Variants in FAM149A observed in about 807,000 individuals in gnomAD.
The protein encoded by FAM149A is family with sequence similarity 149 member A, also known as protein FAM149A.
In FAM149A, 71 loss-of-function variants were observed where a neutral mutation model predicts 78.2. That is an observed-to-expected ratio of 0.91 (90% CI 0.75 to 1.11). The LOEUF (loss-of-function observed/expected upper bound fraction) is 1.11, where lower values mean the gene tolerates loss of function less well. Among genes scored for constraint, FAM149A ranks in the 50% least tolerant of loss-of-function variants. The pLI is 0.00. For synonymous variants in FAM149A, 446 were observed against 410.5 expected (o/e 1.09, Z -1.04); for missense variants, 1,036 against 971.0 (o/e 1.07, Z -0.89).
At chr4:186,169,660 A>G (rs997271866) in intron 13 of FAM149A, 174 of 985,256 alleles carry the variant, frequency 1.8e-4, no homozygotes, top group Non-Finnish European at 2.0e-4. Context: ...TCATGGTGAC[A>G]CCTTCGGCAT....
chr4:186,123,778 C>T, intron 1 of FAM149A: 1 of 936,828 alleles, frequency 1.1e-6, no homozygotes, highest in Non-Finnish European at 1.3e-6. Flanking sequence ...AACTAATGTG[C>T]TGGCTTTTCA....
intron 1 of FAM149A, among the ~76,000 whole-genome samples, chr4:186,105,929 A>G (rs534982599): frequency 6.6e-6 from 1 of 152,270 alleles, no homozygotes; most frequent in East Asian, 1.9e-4. Flanking sequence ...AAGCATTGCT[A>G]CTTAGAGTGT....
chr4:186,136,276 A>G (rs2099322654), intron 1 of FAM149A, among the ~76,000 whole-genome samples: 1 of 152,194 alleles, frequency 6.6e-6, no homozygotes, highest in South Asian at 2.1e-4. Context: ...TTTTTGTAAA[A>G]CAGTTTTTAG....
rs1182289380 is a variant in FAM149A at position 186,163,479 on chromosome 4, C to G, written c.1735C>G (p.Pro579Ala). 2 of 1,614,116 alleles carry G rather than the reference C, an allele frequency of 1.2e-6. No homozygotes were observed. The highest frequency in any genetic ancestry group is 1.7e-5 in the Admixed American group (1 of 60,016). ...AGGGGCAGGTGCTCTCTCCTCCGCA[C>G]CGCACAGACTGGGACGGGCCTCAGA... Residue 579 changes from proline to alanine, a missense_variant, in exon 10 of 14, where the codon CCG (proline) becomes GCG (alanine). Pro to Ala is a conservative substitution (Grantham distance 27, BLOSUM62 -1). Transcript: ENST00000389354.
At chr4:186,136,098 A>G (rs768574055) in intron 1 of FAM149A, among the ~76,000 whole-genome samples, 6 of 152,194 alleles carry the variant, frequency 3.9e-5, no homozygotes, top group East Asian at 1.9e-4. Flanking sequence ...AGCAATTACT[A>G]CGAAGTCTTT....
At chr4:186,171,521 A>G (rs1451184065) in intron 13 of FAM149A, among the ~76,000 whole-genome samples, 1 of 152,184 alleles carries the variant, frequency 6.6e-6, no homozygotes, top group African/African-American at 2.4e-5. Context: ...ATAGAAAAAA[A>G]AAGGAGCCAA....
At chr4:186,127,316 T>C (rs947302039) in intron 1 of FAM149A, 1 of 985,182 alleles carries the variant, frequency 1.0e-6, no homozygotes, top group African/African-American at 1.7e-5. Context: ...CTAGGAAGTA[T>C]AAGAAGTAGG....
chr4:186,148,999 GGT>G (rs70964919), intron 1 of FAM149A, among the ~76,000 whole-genome samples, 172 bp from the exon 2 acceptor site: 5,716 of 147,834 alleles, frequency 0.039, 320 homozygotes, highest in African/African-American at 0.12. Flanking sequence ...ATCAGGATGG[GGT>G]GTGTGTGTGT....
chr4:186,156,282 C>T (rs1734028574), intron 7 of FAM149A, 92 bp downstream of exon 7: 7 of 1,022,382 alleles, frequency 6.8e-6, no homozygotes, highest in East Asian at 2.4e-5. Context: ...AGACCTAGAA[C>T]GTGACCAGTG....
intron 1 of FAM149A, chr4:186,132,851 T>C (rs2099321279): frequency 2.4e-6 from 1 of 414,954 alleles, no homozygotes; most frequent in Admixed American, 6.4e-5. Context: ...GTGTTTCCTT[T>C]TGGCATCCTG....
In FAM149A at chr4:186,165,365, G is replaced by A. The variant is rs754791760; in HGVS notation, c.1911G>A (p.Met637Ile). 2 of 1,614,064 alleles carry A rather than the reference G, an allele frequency of 1.2e-6. No individual in the cohort carries two copies. The highest frequency in any genetic ancestry group is 1.7e-6 in the Non-Finnish European group (2 of 1,180,046). The change falls in exon 11 of 14, where the codon ATG becomes ATA. Residue 637 changes from methionine (M) to isoleucine (I), a missense_variant. Transcript: ENST00000389354. ...GCAGGCCGACTGGCGTGGACCACAT[G>A]GCTTCCCCACTGGTTCAAACGTCAC...
Position 186,163,617 on chromosome 4 carries a change from C to A in FAM149A, c.1873C>A (p.Leu625Ile). 6.2e-7 allele frequency: 1 copy of A among 1,613,730 alleles called. No homozygotes were observed. The highest frequency in any genetic ancestry group is 8.5e-7 in the Non-Finnish European group (1 of 1,179,720). ...TCCCAACATCTATAGTGACGAAGTTCTTCGGGGAACAAAACTGTGAGTCTC... is the reference window on the plus strand; with the variant it reads ...TCCCAACATCTATAGTGACGAAGTTATTCGGGGAACAAAACTGTGAGTCTC... Residue 625 changes from leucine (L) to isoleucine (I), a missense_variant, in exon 10 of 14, where the codon CTT (leucine) becomes ATT (isoleucine). Coordinates refer to ENST00000389354, the MANE Select transcript of FAM149A (RefSeq NM_001367768.3).
rs768546234 is a variant in FAM149A at position 186,105,035 on chromosome 4, ACT to A, written c.-38_-37del. On this transcript the variant is annotated 5_prime_UTR_variant, in exon 1 of 14. Coordinates refer to ENST00000389354, the MANE Select transcript of FAM149A (RefSeq NM_001367768.3). ...CCTCGGCCGGATCTCCGCGGTCTGAACTCTCGGGCGGCGGCGAGGACGGCGTG... is the reference window on the plus strand; with the variant it reads ...CCTCGGCCGGATCTCCGCGGTCTGAACTCGGGCGGCGGCGAGGACGGCGTG... 1.3e-5 allele frequency: 16 copies of A among 1,258,688 alleles called. No individual in the cohort carries two copies. Among genetic ancestry groups the A allele is most frequent in the South Asian group, 2.5e-5 (2 of 79,004 alleles). 78.0% of individuals were successfully genotyped at this position (1,258,688 alleles called of 1,614,324 possible).
At chr4:186,117,593 G>A (rs1013468785) in intron 1 of FAM149A, 4 of 985,316 alleles carry the variant, frequency 4.1e-6, no homozygotes, top group African/African-American at 1.7e-5. Context: ...GAGCAAAGCC[G>A]TGGAGGCCCA....
intron 1 of FAM149A, chr4:186,116,349 G>T: frequency 2.3e-6 from 1 of 431,954 alleles, no homozygotes; most frequent in Non-Finnish European, 3.1e-6. Flanking sequence ...GAAATCACCC[G>T]TCTTCTGTGT....
chr4:186,123,075 A>G lies in FAM149A; in HGVS notation c.566+17433A>G, dbSNP rs2099316774. On this transcript the variant is annotated intron_variant, in intron 1 of 13. Transcript: ENST00000389354. Reference sequence around the variant, plus strand: ...AAGGGAATAAGAAATGGTGGGGAAGAGAAGACGGAGGAGATACTTTCATTC... The same window carrying G: ...AAGGGAATAAGAAATGGTGGGGAAGGGAAGACGGAGGAGATACTTTCATTC... The G allele has an allele frequency of 1.2e-5, 3 of 246,928 alleles. No homozygotes were observed. The South Asian group carries it at 4.5e-4, about 37-fold the overall frequency. The allele number at this position is 246,928 out of a possible 1,614,324, so 15.3% of individuals were successfully genotyped here.
At chr4:186,133,905 C>T (rs1160957051) in intron 1 of FAM149A, among the ~76,000 whole-genome samples, 1 of 152,210 alleles carries the variant, frequency 6.6e-6, no homozygotes, top group Non-Finnish European at 1.5e-5. Flanking sequence ...ATCAGCCCAC[C>T]TCAGCCTCCC....
At chr4:186,142,604 C>G (rs2099326309) in intron 1 of FAM149A, among the ~76,000 whole-genome samples, 1 of 152,188 alleles carries the variant, frequency 6.6e-6, no homozygotes, top group Admixed American at 6.5e-5. Context: ...TTCTGCCTCG[C>G]TTTCTTGGAG....
chr4:186,162,523 G>A (rs772803742), intron 8 of FAM149A, among the ~76,000 whole-genome samples: 4 of 152,178 alleles, frequency 2.6e-5, no homozygotes, highest in Non-Finnish European at 5.9e-5. Flanking sequence ...CAGCCTCCCT[G>A]CCAGGTCACC....
Sources: gnomAD v4.1 joint callset for allele counts (sites outside exome capture counted in the v4.1 genomes callset) on GRCh38, gnomAD v4.1.1 for gene constraint, MANE v1.5 for transcripts, NCBI Gene and HGNC (gene_info 2026-07-23, HGNC 2026-07-21) for gene names.